The following RANBP2 variants were observed in gnomAD, a reference collection of about 807,000 sequenced individuals.
The protein encoded by RANBP2 is RAN binding protein 2, also known as E3 SUMO-protein ligase RanBP2.
RANBP2 carries 57 observed loss-of-function variants against 303.6 expected under a neutral mutation model. The ratio of observed to expected loss-of-function variants is 0.19; its 90% CI spans 0.15 to 0.23. The LOEUF (loss-of-function observed/expected upper bound fraction) is 0.23. Among genes scored for constraint, RANBP2 ranks in the 10% least tolerant of loss-of-function variants. The pLI, the probability that RANBP2 is intolerant of heterozygous loss-of-function variation, is 1.00. For missense variants in RANBP2, 3,138 were observed against 3,780.8 expected (o/e 0.83, Z 4.46); for synonymous variants, 1,167 against 1,301.5 (o/e 0.90, Z 2.23).
At chr2:108,758,128 C>T (rs984629053) in intron 17 of RANBP2, among the ~76,000 whole-genome samples, 2 of 151,974 alleles carry the variant, frequency 1.3e-5, no homozygotes, top group African/African-American at 4.8e-5. Context: ...GAAACCCCAT[C>T]TCTACTATTA....
the RANBP2 span, among the ~76,000 whole-genome samples, chr2:108,971,073 C>T: frequency 6.6e-6 from 1 of 152,040 alleles, no homozygotes; most frequent in Non-Finnish European, 1.5e-5. Flanking sequence ...CCGGCGAGAC[C>T]GTGCTCACTG....
chr2:108,793,874 T>A, the RANBP2 span, among the ~76,000 whole-genome samples: 4 of 151,998 alleles, frequency 2.6e-5, no homozygotes, highest in Non-Finnish European at 5.9e-5. Flanking sequence ...AGTGCTGGGA[T>A]TATAGGCGTG....
the RANBP2 span, among the ~76,000 whole-genome samples, chr2:109,070,585 T>A: frequency 2.0e-5 from 3 of 152,124 alleles, no homozygotes; most frequent in Non-Finnish European, 2.9e-5. Context: ...GGTGGCCAAG[T>A]GCCGTGGCTC....
chr2:109,611,616 C>T, the RANBP2 span, among the ~76,000 whole-genome samples: 3 of 151,308 alleles, frequency 2.0e-5, no homozygotes, highest in Non-Finnish European at 1.5e-5. Context: ...AAAATTTAGC[C>T]GGCTGTGGTG....
the RANBP2 span, among the ~76,000 whole-genome samples, chr2:108,813,678 G>T: frequency 6.6e-6 from 1 of 152,082 alleles, no homozygotes; most frequent in African/African-American, 2.4e-5. Context: ...TGTAAAGTTT[G>T]ATTAATTTTG....
the RANBP2 span, among the ~76,000 whole-genome samples, chr2:109,065,244 T>C: frequency 6.6e-6 from 1 of 152,236 alleles, no homozygotes; most frequent in Non-Finnish European, 1.5e-5. Flanking sequence ...CATGGTCAGC[T>C]AGAGGTTTGA....
chr2:109,527,768 G>T, the RANBP2 span, among the ~76,000 whole-genome samples: 8 of 152,162 alleles, frequency 5.3e-5, no homozygotes, highest in Non-Finnish European at 1.0e-4. Context: ...AAATAGATGT[G>T]GCTGACAGGT....
the RANBP2 span, among the ~76,000 whole-genome samples, chr2:109,026,366 C>A: frequency 6.7e-6 from 1 of 148,948 alleles, no homozygotes. Context: ...TAGGCTCAAG[C>A]GATCTTCCTG....
chr2:109,515,790 G>T, the RANBP2 span, among the ~76,000 whole-genome samples: 40 of 152,284 alleles, frequency 2.6e-4, no homozygotes, highest in Non-Finnish European at 5.6e-4. Flanking sequence ...AGTGGAGCAG[G>T]AGGGGTAGGG....
the RANBP2 span, among the ~76,000 whole-genome samples, chr2:109,181,758 A>G: frequency 6.6e-6 from 1 of 152,120 alleles, no homozygotes; most frequent in African/African-American, 2.4e-5. Flanking sequence ...GCTAGGTTCC[A>G]TCTGTCTCCC....
At chr2:109,635,605 T>C in the RANBP2 span, among the ~76,000 whole-genome samples, 1 of 152,040 alleles carries the variant, frequency 6.6e-6, no homozygotes, top group Non-Finnish European at 1.5e-5. Context: ...AGATGCTACA[T>C]CCAAAAAGGG....
At chr2:109,037,207 C>T in the RANBP2 span, among the ~76,000 whole-genome samples, 1 of 151,516 alleles carries the variant, frequency 6.6e-6, no homozygotes, top group Non-Finnish European at 1.5e-5. Context: ...GCCTGTGGTC[C>T]CAGCTACTCG....
the RANBP2 span, among the ~76,000 whole-genome samples, chr2:109,134,663 T>C: frequency 6.6e-6 from 1 of 152,084 alleles, no homozygotes; most frequent in Non-Finnish European, 1.5e-5. Flanking sequence ...CGGCACACAG[T>C]TAATGAGGGT....
At chr2:109,549,194 G>A in the RANBP2 span, among the ~76,000 whole-genome samples, 3 of 152,208 alleles carry the variant, frequency 2.0e-5, no homozygotes, top group Non-Finnish European at 2.9e-5. Context: ...CGTGTGCATC[G>A]GTGATGTGGG....
the RANBP2 span, among the ~76,000 whole-genome samples, chr2:108,979,577 T>G: frequency 6.6e-6 from 1 of 152,004 alleles, no homozygotes; most frequent in Non-Finnish European, 1.5e-5. Flanking sequence ...AGGTGGCGGC[T>G]GGGGACTTGG....
At chr2:109,281,123 C>T in the RANBP2 span, among the ~76,000 whole-genome samples, 2 of 152,192 alleles carry the variant, frequency 1.3e-5, no homozygotes, top group South Asian at 4.1e-4. Flanking sequence ...GGAATGGGCA[C>T]AGTTGTCACC....
the RANBP2 span, chr2:109,490,977 T>C: frequency 7.1e-7 from 1 of 1,413,266 alleles, no homozygotes; most frequent in South Asian, 1.6e-5. Flanking sequence ...ATGCTGTGGT[T>C]TGGCCTCTGA....
chr2:108,772,490 TGAA>T lies in RANBP2; in HGVS notation c.8025_8027del (p.Glu2675del), dbSNP rs1358416222. 3.7e-6 allele frequency: 6 copies of T among 1,612,164 alleles called. No homozygotes were observed. The highest frequency in any genetic ancestry group is 1.7e-5 in the Admixed American group (1 of 59,966). ...TCTTTTAATCAATTGTATTTTAAGA[TGAA>T]GATTTCGAAACAGCTGTCAAGAAAC... On this transcript the variant is annotated inframe_deletion and splice_region_variant, in exon 22 of 29. Coordinates refer to ENST00000283195, the MANE Select transcript of RANBP2 (RefSeq NM_006267.5).
chr2:108,910,783 C>T, the RANBP2 span: 10,992 of 1,613,166 alleles, frequency 6.8e-3, 84 homozygotes, highest in East Asian at 0.03. Flanking sequence ...GACCTGGGGC[C>T]TCTTTCTTCT....
Sources: allele counts gnomAD v4.1 joint callset (sites outside exome capture counted in the v4.1 genomes callset), GRCh38; gene constraint gnomAD v4.1.1; transcripts MANE v1.5; gene names NCBI Gene and HGNC (gene_info 2026-07-23, HGNC 2026-07-21).